NCAM2: variants seen among roughly 807,000 people sequenced by gnomAD.
NCAM2 encodes N-CAM-2.
NCAM2 carries 30 observed loss-of-function variants against 98.1 expected under a neutral mutation model. The observed-to-expected ratio is 0.31, with a 90% confidence interval of 0.23 to 0.41. NCAM2 has a LOEUF of 0.41. NCAM2 is among the 10% of genes least tolerant of loss of function. NCAM2 has a pLI of 1.00. For synonymous variants in NCAM2, 368 were observed against 342.4 expected (o/e 1.07, Z -0.83); for missense variants, 867 against 1,005.8 (o/e 0.86, Z 1.87).
At chr21:21,074,020 G>A (rs2065627620) in intron 1 of NCAM2, among the ~76,000 whole-genome samples, 1 of 152,096 alleles carries the variant, frequency 6.6e-6, no homozygotes, top group Non-Finnish European at 1.5e-5. Context: ...ACAACACAGT[G>A]CTCTTGGTAG....
chr21:21,151,312 G>A (rs753414659), intron 1 of NCAM2, among the ~76,000 whole-genome samples: 16 of 151,976 alleles, frequency 1.1e-4, no homozygotes, highest in Non-Finnish European at 2.4e-4. Flanking sequence ...AGGTACATGT[G>A]CACAACGTGC....
At chr21:21,346,208 C>CAAAAAAA (rs57663409) in intron 8 of NCAM2, among the ~76,000 whole-genome samples, 1 of 112,526 alleles carries the variant, frequency 8.9e-6, no homozygotes, top group African/African-American at 3.1e-5. Flanking sequence ...CAACTGAAAC[C>CAAAAAAA]AAAAAAAAAA....
chr21:21,182,143 AT>A (rs1400739656), intron 1 of NCAM2, among the ~76,000 whole-genome samples: 10 of 152,244 alleles, frequency 6.6e-5, no homozygotes, highest in East Asian at 3.9e-4. Flanking sequence ...TGAATTGATC[AT>A]TTTTTAGGAA....
chr21:21,016,746 T>A (rs556610711), intron 1 of NCAM2, among the ~76,000 whole-genome samples: 5 of 152,272 alleles, frequency 3.3e-5, no homozygotes, highest in Admixed American at 3.3e-4. Flanking sequence ...TATTATTATT[T>A]AAAAAGGTTT....
chr21:21,377,646 C>T (rs1294229568), intron 9 of NCAM2, among the ~76,000 whole-genome samples: 1 of 151,830 alleles, frequency 6.6e-6, no homozygotes, highest in African/African-American at 2.4e-5. Flanking sequence ...TTAAATGATT[C>T]AGTTAAGCTC....
intron 1 of NCAM2, among the ~76,000 whole-genome samples, chr21:21,041,722 C>T (rs576647282): frequency 1.3e-5 from 2 of 152,202 alleles, no homozygotes; most frequent in South Asian, 2.1e-4. Flanking sequence ...CAGGGAAAGA[C>T]GTCAGAATAT....
At chr21:21,396,209 C>G in intron 9 of NCAM2, among the ~76,000 whole-genome samples, 1 of 151,394 alleles carries the variant, frequency 6.6e-6, no homozygotes. Context: ...CATGAACAGG[C>G]AATTCTCAAA....
At chr21:21,087,052 TTTATG>T (rs2065918763) in intron 1 of NCAM2, among the ~76,000 whole-genome samples, 1 of 151,402 alleles carries the variant, frequency 6.6e-6, no homozygotes. Flanking sequence ...GACATGAAAG[TTTATG>T]TTAAGATTAT....
At chr21:21,457,125 G>A (rs894745084) in intron 12 of NCAM2, among the ~76,000 whole-genome samples, 2 of 152,184 alleles carry the variant, frequency 1.3e-5, no homozygotes, top group African/African-American at 4.8e-5. Context: ...GTACATGCTA[G>A]AAAGTGTTGG....
At chr21:21,084,187 A>T (rs1286029385) in intron 1 of NCAM2, among the ~76,000 whole-genome samples, 2 of 152,138 alleles carry the variant, frequency 1.3e-5, no homozygotes, top group Non-Finnish European at 2.9e-5. Context: ...AAGAGTGCTC[A>T]TCTCATTCAT....
At chr21:21,195,892 G>C (rs920759292) in intron 1 of NCAM2, among the ~76,000 whole-genome samples, 1 of 152,198 alleles carries the variant, frequency 6.6e-6, no homozygotes, top group African/African-American at 2.4e-5. Flanking sequence ...AAATAAAACT[G>C]TGTGATCTAC....
intron 15 of NCAM2, among the ~76,000 whole-genome samples, chr21:21,483,774 A>T (rs1469892806): frequency 6.6e-6 from 1 of 152,118 alleles, no homozygotes; most frequent in Non-Finnish European, 1.5e-5. Flanking sequence ...TAAGTCTAAA[A>T]AATATTTTCA....
At chr21:21,519,960 A>T (rs1988924306) in intron 16 of NCAM2, among the ~76,000 whole-genome samples, 1 of 152,088 alleles carries the variant, frequency 6.6e-6, no homozygotes, top group Non-Finnish European at 1.5e-5. Flanking sequence ...GAGAAAAAAA[A>T]ATTAAGATCA....
intron 1 of NCAM2, among the ~76,000 whole-genome samples, chr21:21,021,908 TTA>T (rs1193036928): frequency 2.0e-5 from 3 of 152,140 alleles, no homozygotes; most frequent in African/African-American, 7.2e-5. Context: ...CACAGAAGTT[TTA>T]TGTCATGCAC....
chr21:21,117,409 T>C (rs2066586458), intron 1 of NCAM2, among the ~76,000 whole-genome samples: 1 of 152,204 alleles, frequency 6.6e-6, no homozygotes, highest in Admixed American at 6.5e-5. Context: ...GAAATAAATA[T>C]CTTGTAGAGG....
intron 1 of NCAM2, among the ~76,000 whole-genome samples, chr21:21,011,069 T>C (rs1281779760): frequency 2.0e-5 from 3 of 152,114 alleles, no homozygotes; most frequent in Non-Finnish European, 4.4e-5. Flanking sequence ...TAGGCAGCCT[T>C]GTTTCCTTAA....
chr21:21,280,531 A>T, intron 1 of NCAM2, 47 bp from the exon 2 acceptor site: 1 of 1,350,712 alleles, frequency 7.4e-7, no homozygotes, highest in Non-Finnish European at 1.0e-6. Context: ...AAATCTTAGA[A>T]ATCACGCTTA....
intron 1 of NCAM2, among the ~76,000 whole-genome samples, chr21:21,261,222 T>G (rs1264636013): frequency 6.6e-6 from 1 of 152,058 alleles, no homozygotes; most frequent in African/African-American, 2.4e-5. Flanking sequence ...CTACTACACC[T>G]AAGAGACAGA....
intron 8 of NCAM2, among the ~76,000 whole-genome samples, chr21:21,344,072 T>TA (rs922948592): frequency 6.6e-6 from 1 of 152,160 alleles, no homozygotes; most frequent in African/African-American, 2.4e-5. Flanking sequence ...GGGCAACTGT[T>TA]AGAGTTGTGA....
Sources: gnomAD v4.1 joint callset for allele counts (sites outside exome capture counted in the v4.1 genomes callset) on GRCh38, gnomAD v4.1.1 for gene constraint, MANE v1.5 for transcripts, NCBI Gene and HGNC (gene_info 2026-07-23, HGNC 2026-07-21) for gene names.